The following CMIP variants were observed in gnomAD, a reference collection of about 807,000 sequenced individuals.
The protein encoded by CMIP is C-Maf-inducing protein.
Under a neutral mutation model 97.3 loss-of-function variants are expected in CMIP, and 13 were observed. The observed-to-expected ratio is 0.13, with a 90% CI of 0.09 to 0.21. The LOEUF is 0.21. Ranked by LOEUF, CMIP falls within the 10% of genes least tolerant of loss-of-function variation. The pLI is 1.00. For synonymous variants in CMIP, 538 were observed against 436.3 expected (o/e 1.23, Z -2.91); for missense variants, 847 against 1,024.9 (o/e 0.83, Z 2.37).
At chr16:81,495,369 C>A in intron 1 of CMIP, 2 of 1,510,246 alleles carry the variant, frequency 1.3e-6, no homozygotes, top group Admixed American at 2.1e-5. Flanking sequence ...ATGGGCTGGG[C>A]GTGCATGGCA....
chr16:81,683,564 A>G (rs576358300), intron 10 of CMIP, among the ~76,000 whole-genome samples: 36 of 151,024 alleles, frequency 2.4e-4, no homozygotes, highest in Non-Finnish European at 4.6e-4. Flanking sequence ...TAATTTTTGT[A>G]TTTTTAGTAG....
At position 81,603,148 on chromosome 16, in the gene CMIP, C is replaced by G. The variant is rs559678006; in HGVS notation, c.301-4419C>G. On this transcript the variant is annotated intron_variant, in intron 1 of 20. Transcript: ENST00000537098. The stretch of plus-strand genomic sequence containing the variant: ...AGGCTACAGTGCAGTGGCGCGATCT[C>G]GGCTCACTGCAAGCTTCACCTCCCG... Among the ~76,000 whole-genome samples the G allele has an allele frequency of 2.6e-5, 4 of 152,284 alleles. No individual in the cohort carries two copies. The East Asian group carries it at 7.7e-4, about 29-fold the overall frequency.
rs372245073 is a variant in CMIP, at chr16:81,576,416, AAAAC to A, written c.301-31135_301-31132del. Among the ~76,000 whole-genome samples the A allele has an allele frequency of 2.5e-3, 388 of 152,228 alleles. 2 individuals carry two copies. The highest frequency in any genetic ancestry group is 8.2e-3 in the African/African-American group (339 of 41,524). ...AAGACTCTGTCTCAAAAAACGGGGAAAAACAAACAAACAAACAAAAAACAGAAAA... is the reference window on the plus strand; with the variant it reads ...AAGACTCTGTCTCAAAAAACGGGGAAAAACAAACAAACAAAAAACAGAAAA... On this transcript the variant is annotated intron_variant, in intron 1 of 20. Coordinates refer to ENST00000537098, the MANE Select transcript of CMIP (RefSeq NM_198390.3).
At chr16:81,524,252 T>C (rs2090085222) in intron 1 of CMIP, among the ~76,000 whole-genome samples, 1 of 152,246 alleles carries the variant, frequency 6.6e-6, no homozygotes, top group Non-Finnish European at 1.5e-5. Context: ...CAAGTGTTTA[T>C]TGAGCACCTC....
chr16:81,702,772 G>A, intron 17 of CMIP, 103 bp downstream of exon 17: 1 of 1,030,348 alleles, frequency 9.7e-7, no homozygotes, highest in Non-Finnish European at 1.5e-6. Flanking sequence ...GGAGGTGATG[G>A]AGGGCGGGGC....
intron 10 of CMIP, among the ~76,000 whole-genome samples, chr16:81,689,853 A>C (rs1905850796): frequency 6.6e-6 from 1 of 152,240 alleles, no homozygotes. Context: ...GAAGGGATCC[A>C]GTTTCAGCTT....
intron 1 of CMIP, among the ~76,000 whole-genome samples, chr16:81,607,255 A>T (rs185420887): frequency 2.1e-3 from 313 of 152,112 alleles, no homozygotes; most frequent in Admixed American, 3.7e-3. Context: ...GCTTCCAGCC[A>T]CTCCCTGCGC....
intron 1 of CMIP, chr16:81,464,615 A>G (rs904724908): frequency 6.6e-6 from 1 of 152,232 alleles, no homozygotes; most frequent in African/African-American, 2.4e-5. Flanking sequence ...CATTTTATCC[A>G]TTTGTAAGTG....
intron 1 of CMIP, among the ~76,000 whole-genome samples, chr16:81,531,332 C>G (rs9926999): frequency 0.058 from 8,757 of 152,284 alleles, 289 homozygotes; most frequent in Middle Eastern, 0.088. Context: ...GATCCTGCCT[C>G]AGAGCCTCCG....
chr16:81,559,254 G>T (rs1003599467), intron 1 of CMIP, among the ~76,000 whole-genome samples: 1 of 152,148 alleles, frequency 6.6e-6, no homozygotes, highest in African/African-American at 2.4e-5. Context: ...GTGGGCTTGG[G>T]GTAAGAGTGA....
At chr16:81,539,099 A>G (rs57177093) in intron 1 of CMIP, among the ~76,000 whole-genome samples, 11,220 of 152,202 alleles carry the variant, frequency 0.074, 1,364 homozygotes, top group African/African-American at 0.26. Context: ...CAGATTCTCC[A>G]TTCGCTTGAA....
intron 1 of CMIP, among the ~76,000 whole-genome samples, chr16:81,465,940 C>A (rs923660557): frequency 6.6e-6 from 1 of 152,234 alleles, no homozygotes; most frequent in Non-Finnish European, 1.5e-5. Flanking sequence ...GGGGAGACAA[C>A]CCTTGCAGAG....
chr16:81,501,591 T>C (rs1410848909), intron 1 of CMIP, among the ~76,000 whole-genome samples: 1 of 151,072 alleles, frequency 6.6e-6, no homozygotes, highest in African/African-American at 2.4e-5. Context: ...CATTGATGCT[T>C]AGGTTTGACT....
intron 1 of CMIP, chr16:81,495,512 G>A: frequency 6.2e-7 from 1 of 1,612,392 alleles, no homozygotes; most frequent in South Asian, 1.1e-5. Context: ...CCCATGTGGG[G>A]AACGACTCTG....
At chr16:81,594,615 T>G (rs1415343618) in intron 1 of CMIP, among the ~76,000 whole-genome samples, 1 of 152,034 alleles carries the variant, frequency 6.6e-6, no homozygotes, top group East Asian at 1.9e-4. Context: ...AAAGTTTTTG[T>G]TTTTGTTTTT....
At chr16:81,686,739 C>G (rs1018185178) in intron 10 of CMIP, among the ~76,000 whole-genome samples, 15 of 152,316 alleles carry the variant, frequency 9.8e-5, no homozygotes, top group African/African-American at 2.4e-4. Context: ...CAGGGGTTAT[C>G]TAAACCGCCT....
chr16:81,547,890 C>T (rs1194219090), intron 1 of CMIP, among the ~76,000 whole-genome samples: 1 of 152,162 alleles, frequency 6.6e-6, no homozygotes, highest in Non-Finnish European at 1.5e-5. Flanking sequence ...AAAGGAATGC[C>T]CAGGGAGCCA....
At chr16:81,582,121 A>G (rs192593471) in intron 1 of CMIP, among the ~76,000 whole-genome samples, 2 of 152,228 alleles carry the variant, frequency 1.3e-5, no homozygotes, top group African/African-American at 4.8e-5. Flanking sequence ...CACGCCAACA[A>G]TACCAAGAGG....
At chr16:81,474,054 CA>C (rs1907729509) in intron 1 of CMIP, among the ~76,000 whole-genome samples, 1 of 152,136 alleles carries the variant, frequency 6.6e-6, no homozygotes, top group Admixed American at 6.5e-5. Flanking sequence ...GCTAAAGAAG[CA>C]GAGGCAGGCC....
Sources: gnomAD v4.1 joint callset for allele counts (sites outside exome capture counted in the v4.1 genomes callset) on GRCh38, gnomAD v4.1.1 for gene constraint, MANE v1.5 for transcripts, NCBI Gene and HGNC (gene_info 2026-07-23, HGNC 2026-07-21) for gene names.